The following BTN3A2 variants were observed in gnomAD, a reference collection of about 807,000 sequenced individuals.
BTN3A2 encodes the protein butyrophilin protein.
In BTN3A2, 25 loss-of-function variants were observed where a neutral mutation model predicts 37.6. The ratio of observed to expected loss-of-function variants is 0.66; its 90% CI spans 0.48 to 0.93. The LOEUF (loss-of-function observed/expected upper bound fraction) is 0.93, where lower values mean the gene tolerates loss of function less well. BTN3A2 is among the 40% of genes least tolerant of loss of function. The pLI, the probability that BTN3A2 is intolerant of heterozygous loss-of-function variation, is 0.00. For synonymous variants in BTN3A2, 122 were observed against 159.4 expected, an observed-to-expected ratio of 0.77 and a Z score of 1.77; for missense variants, 266 against 410.9, an observed-to-expected ratio of 0.65 and a Z score of 3.05.
intron 8 of BTN3A2, chr6:26,373,773 G>C (rs1273832607): frequency 4.4e-6 from 1 of 227,520 alleles, no homozygotes; most frequent in African/African-American, 2.3e-5. Flanking sequence ...AGAGGCTGTT[G>C]AAAGGAAAAC....
chr6:26,372,570 G>A, intron 5 of BTN3A2: 1 of 262,240 alleles, frequency 3.8e-6, no homozygotes. Flanking sequence ...TGAGAGAGTT[G>A]CGTGACTTTA....
chr6:26,371,542 G>A (rs1050246887), intron 5 of BTN3A2, among the ~76,000 whole-genome samples: 1 of 152,300 alleles, frequency 6.6e-6, no homozygotes, highest in South Asian at 2.1e-4. Flanking sequence ...GTCAACCTCT[G>A]TTGGGGGCTC....
Position 26,376,875 on chromosome 6 carries a change from A to T in BTN3A2, c.*1113A>T, listed in dbSNP as rs998784197. The stretch of plus-strand genomic sequence containing the variant: ...GACTATGGGCCTGACTGATGGGAAT[A>T]AGTATCGGGCTCTCACTGAGCCCAG... On this transcript the variant is annotated 3_prime_UTR_variant, in exon 11 of 11. Transcript: ENST00000377708. The T allele has an allele frequency of 3.7e-6, 6 of 1,613,912 alleles. No homozygotes were observed. The African/African-American group carries it at 6.7e-5, about 18-fold the overall frequency.
intron 7 of BTN3A2, 37 bp from the exon 8 acceptor site, chr6:26,373,350 G>T (rs1194212364): frequency 1.2e-6 from 2 of 1,603,082 alleles, no homozygotes; most frequent in South Asian, 2.2e-5. Context: ...CTCGCTTTGA[G>T]CACCTTGATG....
intron 8 of BTN3A2, chr6:26,373,721 A>G (rs1760390961): frequency 6.6e-6 from 2 of 304,620 alleles, no homozygotes; most frequent in South Asian, 3.0e-4. Flanking sequence ...GATGAGGTGC[A>G]TTTTCTATGG....
chr6:26,376,629 C>G lies in BTN3A2; in HGVS notation c.*867C>G, dbSNP rs565554111. The G allele has an allele frequency of 1.2e-5, 18 of 1,464,010 alleles. 1 individual carries two copies. The South Asian group carries it at 2.0e-4, about 16-fold the overall frequency. The allele number at this position is 1,464,010 out of a possible 1,614,324, so 90.7% of individuals were successfully genotyped here. On this transcript the variant is annotated 3_prime_UTR_variant, in exon 11 of 11. Transcript: ENST00000377708. ...TGCCATCCTCCTTGTTTCTGAGGAC[C>G]AGAGGAGTGTACAGCGTGCTGAGGA...
chr6:26,373,448 C>A (rs968120341), intron 8 of BTN3A2, 35 bp downstream of exon 8: 2 of 1,592,630 alleles, frequency 1.3e-6, no homozygotes, highest in Non-Finnish European at 8.5e-7. Flanking sequence ...GAATTCAAAT[C>A]TGTTACTCTC....
At chr6:26,366,028 C>T (rs1762034147) in intron 1 of BTN3A2, among the ~76,000 whole-genome samples, 1 of 152,104 alleles carries the variant, frequency 6.6e-6, no homozygotes, top group African/African-American at 2.4e-5. Flanking sequence ...AGGGATAGTA[C>T]TTGGTTTTCT....
intron 10 of BTN3A2, chr6:26,375,523 A>C: frequency 6.2e-6 from 6 of 968,820 alleles, no homozygotes; most frequent in Non-Finnish European, 7.8e-6. Context: ...AGGGCCTCCC[A>C]TTGGCCAAAC....
chr6:26,373,449 T>C, intron 8 of BTN3A2, 36 bp downstream of exon 8: 1 of 1,593,580 alleles, frequency 6.3e-7, no homozygotes. Context: ...AATTCAAATC[T>C]GTTACTCTCT....
chr6:26,377,117 C>A lies in BTN3A2; in HGVS notation c.*1355C>A. 1 of 1,314,986 alleles carries A rather than the reference C, an allele frequency of 7.6e-7. No individual in the cohort carries two copies. The highest frequency in any genetic ancestry group is 1.1e-6 in the Non-Finnish European group (1 of 908,610). 81.5% of individuals were successfully genotyped at this position (1,314,986 alleles called of 1,614,324 possible). A position where few individuals can be genotyped will look rare whatever the true frequency, so the allele number is the denominator to read the frequency against. On this transcript the variant is annotated 3_prime_UTR_variant, in exon 11 of 11. Coordinates refer to ENST00000377708, the MANE Select transcript of BTN3A2 (RefSeq NM_007047.5). Reference sequence around the variant, plus strand: ...CAATACCAAAAGTAGAGAGTTCCCCCGATCCCGACCTAGTGCCTGATCATT... The same window carrying A: ...CAATACCAAAAGTAGAGAGTTCCCCAGATCCCGACCTAGTGCCTGATCATT...
At chr6:26,365,474 CTGTGTGTGTGTGTGTGTGTGTGTG>C (rs55949951) in intron 1 of BTN3A2, 122 bp downstream of exon 1, 165 of 550,694 alleles carry the variant, frequency 3.0e-4, no homozygotes, top group Non-Finnish European at 4.4e-4. Flanking sequence ...GGTGCAGTGC[CTGTGTGTGTGTGTGTGTGTGTGTG>C]TGTGTGTGTG....
intron 5 of BTN3A2, among the ~76,000 whole-genome samples, chr6:26,371,563 T>C (rs1561805168): frequency 6.6e-6 from 1 of 152,198 alleles, no homozygotes. Context: ...TATAGCAATA[T>C]CTATCCAAAC....
rs60784158 is a variant in BTN3A2, at chr6:26,376,232, A to AAAG, written c.*472_*473insGAA. 0.052 allele frequency: 7,017 copies of AAAG among 135,326 alleles called. 230 individuals carry two copies. The highest frequency in any genetic ancestry group is 0.076 in the Non-Finnish European group (5,115 of 67,560). 8.4% of individuals were successfully genotyped at this position (135,326 alleles called of 1,614,324 possible). ...TGTCTCAAGAAAAAAAAAAAAAAAA[A>AAAG]AAAAGAAAAGAAAATTAACCTCTGA... On this transcript the variant is annotated 3_prime_UTR_variant, in exon 11 of 11. Transcript: ENST00000377708.
In BTN3A2 at chr6:26,375,819, G is replaced by A. The variant is rs984854756; in HGVS notation, c.*57G>A. The A allele has an allele frequency of 1.9e-5, 30 of 1,550,122 alleles. No individual in the cohort carries two copies. The highest frequency in any genetic ancestry group is 2.6e-5 in the Non-Finnish European group (30 of 1,145,854). ...CAGGTGAGGAAATGCTTCAGATGAG[G>A]CTCCACCTTGTTAAATAAATTGGAT... On this transcript the variant is annotated 3_prime_UTR_variant, in exon 11 of 11. Transcript: ENST00000377708.
chr6:26,368,495 G>A (rs1429058273), intron 3 of BTN3A2, 70 bp from the exon 4 acceptor site: 2 of 1,612,688 alleles, frequency 1.2e-6, no homozygotes, highest in Admixed American at 1.7e-5. Context: ...TTCCCTGTCT[G>A]AGAAGGACCC....
At chr6:26,365,822 T>C (rs1762014208) in intron 1 of BTN3A2, among the ~76,000 whole-genome samples, 1 of 152,178 alleles carries the variant, frequency 6.6e-6, no homozygotes, top group South Asian at 2.1e-4. Flanking sequence ...AATGTGTTTA[T>C]TACAGAAGTA....
At chr6:26,368,538 G>C (rs748454366) in intron 3 of BTN3A2, 27 bp from the exon 4 acceptor site, 1 of 1,613,892 alleles carries the variant, frequency 6.2e-7, no homozygotes, top group Non-Finnish European at 8.5e-7. Context: ...AAAACCCTCT[G>C]ATGGAGCTTC....
Position 26,375,421 on chromosome 6 carries a change from C to T in BTN3A2, c.*35-376C>T, listed in dbSNP as rs1760620424. 30 of 479,698 alleles carry T rather than the reference C, an allele frequency of 6.3e-5. No homozygotes were observed. In the South Asian group the frequency reaches 9.9e-4, roughly 16 times the overall value. 29.7% of individuals were successfully genotyped at this position (479,698 alleles called of 1,614,324 possible). A position where few individuals can be genotyped will look rare whatever the true frequency, so the allele number is the denominator to read the frequency against. On this transcript the variant is annotated intron_variant, in intron 10 of 10. Coordinates refer to ENST00000377708, the MANE Select transcript of BTN3A2 (RefSeq NM_007047.5). The stretch of plus-strand genomic sequence containing the variant: ...AGCTTCCTGAGAAGAGTCCTCGGGC[C>T]TTGTTAGAGCACCACCAGCTGCTGC...
Sources: allele counts gnomAD v4.1 joint callset (sites outside exome capture counted in the v4.1 genomes callset), GRCh38; gene constraint gnomAD v4.1.1; transcripts MANE v1.5; gene names NCBI Gene and HGNC (gene_info 2026-07-23, HGNC 2026-07-21).